Variants in ANXA4 observed in about 807,000 individuals in gnomAD.
ANXA4 encodes annexin A4.
Under a neutral mutation model 49.8 loss-of-function variants are expected in ANXA4, and 39 were observed. The ratio of observed to expected loss-of-function variants is 0.78; its 90% CI spans 0.61 to 1.02. ANXA4 has a LOEUF of 1.02. ANXA4 is among the 50% of genes least tolerant of loss of function. The pLI, the probability that ANXA4 is intolerant of heterozygous loss-of-function variation, is 0.00. For synonymous variants in ANXA4, 134 were observed against 152.5 expected (o/e 0.88, Z 0.89); for missense variants, 360 against 410.1 (o/e 0.88, Z 1.05).
intron 1 of ANXA4, among the ~76,000 whole-genome samples, chr2:69,763,555 G>A (rs1671379620): frequency 6.6e-6 from 1 of 151,918 alleles, no homozygotes; most frequent in South Asian, 2.1e-4. Flanking sequence ...CTGACTCACT[G>A]CAAATCCCTT....
Position 69,803,163 on chromosome 2 carries a change from C to T in ANXA4, c.98-1370C>T, listed in dbSNP as rs113196847. On this transcript the variant is annotated intron_variant, in intron 3 of 12. Coordinates refer to ENST00000394295, the MANE Select transcript of ANXA4 (RefSeq NM_001153.5). ...GAGTGAGCTGGACTGCACTCCAGCC[C>T]GGGTGACAGAGCGAAACTCCATCTC... 5.7e-4 allele frequency among the ~76,000 whole-genome samples: 85 copies of T among 150,304 alleles called. 2 individuals are homozygous for T. The highest frequency in any genetic ancestry group is 1.9e-3 in the African/African-American group (78 of 40,810).
chr2:69,668,213 T>C (rs747483277), intron 2 of ANXA4, among the ~76,000 whole-genome samples: 4 of 152,248 alleles, frequency 2.6e-5, no homozygotes, highest in Non-Finnish European at 5.9e-5. Context: ...CTAAAGATTA[T>C]GAATTCAGTC....
At chr2:69,745,186 T>C (rs1670560789) in intron 1 of ANXA4, among the ~76,000 whole-genome samples, 1 of 152,036 alleles carries the variant, frequency 6.6e-6, no homozygotes, top group Non-Finnish European at 1.5e-5. Context: ...GTTTGACATG[T>C]GGATAAGGGA....
chr2:69,764,007 T>C (rs557332056), intron 1 of ANXA4, among the ~76,000 whole-genome samples: 3 of 152,302 alleles, frequency 2.0e-5, no homozygotes, highest in East Asian at 1.9e-4. Context: ...CTAAGACTTA[T>C]GATTGCTAAG....
chr2:69,736,385 T>C lies in ANXA4; in HGVS notation n.864+15514T>C, dbSNP rs910215346. ...TCTTGACACCTACTCTATGAGAGTATCTAACTCATCGAACCGTGTGAGGAT... is the reference window on the plus strand; with the variant it reads ...TCTTGACACCTACTCTATGAGAGTACCTAACTCATCGAACCGTGTGAGGAT... On this transcript the variant is annotated intron_variant and non_coding_transcript_variant, in intron 3 of 3. Transcript: ENST00000418066. 3.9e-5 allele frequency among the ~76,000 whole-genome samples: 6 copies of C among 152,356 alleles called. No individual in the cohort carries two copies. In the South Asian group the frequency reaches 8.3e-4, roughly 21 times the overall value.
intron 8 of ANXA4, 138 bp from the exon 9 acceptor site, chr2:69,815,963 C>A: frequency 1.5e-6 from 1 of 661,498 alleles, no homozygotes. Context: ...GTCATTTCCA[C>A]TCACCACTAC....
intron 3 of ANXA4, among the ~76,000 whole-genome samples, chr2:69,793,602 G>C (rs1390506199): frequency 2.0e-5 from 3 of 152,174 alleles, no homozygotes; most frequent in Non-Finnish European, 2.9e-5. Flanking sequence ...ATTGGCCTCT[G>C]AGTGAGGTTC....
rs1674438702 is a variant in ANXA4 at position 69,825,559 on chromosome 2, T to G, written c.*44T>G. 5 of 1,467,734 alleles carry G rather than the reference T, an allele frequency of 3.4e-6. No individual in the cohort carries two copies. The highest frequency in any genetic ancestry group is 2.0e-5 in the Admixed American group (1 of 49,320). 90.9% of individuals were successfully genotyped at this position (1,467,734 alleles called of 1,614,324 possible). On this transcript the variant is annotated 3_prime_UTR_variant, in exon 13 of 13. Coordinates refer to ENST00000394295, the MANE Select transcript of ANXA4 (RefSeq NM_001153.5). ...ACAGGAGGATTCTCAACACTTTGAA[T>G]TTTTTTAACTTCATTTTTCTACACT...
chr2:69,685,619 A>C (rs1462855120), intron 2 of ANXA4, among the ~76,000 whole-genome samples: 1 of 152,224 alleles, frequency 6.6e-6, no homozygotes, highest in Non-Finnish European at 1.5e-5. Context: ...TGGCAGAACG[A>C]AAATTCCTAG....
At chr2:69,794,414 G>A (rs535967401) in intron 3 of ANXA4, among the ~76,000 whole-genome samples, 2 of 152,278 alleles carry the variant, frequency 1.3e-5, no homozygotes, top group East Asian at 1.9e-4. Context: ...TCAAGCCTTA[G>A]TTAAAACTTC....
chr2:69,750,475 C>T (rs1455295236), intron 1 of ANXA4, among the ~76,000 whole-genome samples: 2 of 152,194 alleles, frequency 1.3e-5, no homozygotes, highest in Non-Finnish European at 2.9e-5. Flanking sequence ...TGCAGTGGCA[C>T]AACAATGGCA....
chr2:69,791,374 T>C (rs985516551), intron 3 of ANXA4, among the ~76,000 whole-genome samples: 3 of 152,248 alleles, frequency 2.0e-5, no homozygotes, highest in Non-Finnish European at 4.4e-5. Context: ...AATTGTGTTT[T>C]GTTGCAAGAG....
intron 2 of ANXA4, among the ~76,000 whole-genome samples, chr2:69,687,871 T>C (rs1677843735): frequency 6.6e-6 from 1 of 152,236 alleles, no homozygotes; most frequent in Non-Finnish European, 1.5e-5. Context: ...CAGATTCTTG[T>C]GGAACAAATG....
chr2:69,644,165 T>TTCGCGCCCCCCCCCCC (rs1553424953), upstream of ANXA4, among the ~76,000 whole-genome samples: 5 of 21,116 alleles, frequency 2.4e-4, 2 homozygotes, highest in African/African-American at 8.5e-4. Context: ...ACAACTAAGT[T>TTCGCGCCCCCCCCCCC]CCCCCCCCCC....
chr2:69,793,646 G>A (rs923307558), intron 3 of ANXA4, among the ~76,000 whole-genome samples: 4 of 152,164 alleles, frequency 2.6e-5, no homozygotes, highest in Admixed American at 2.6e-4. Context: ...AGCTTCCAGG[G>A]CCTAATAAGC....
At chr2:69,798,738 G>A (rs548665407) in intron 3 of ANXA4, among the ~76,000 whole-genome samples, 1 of 152,186 alleles carries the variant, frequency 6.6e-6, no homozygotes, top group South Asian at 2.1e-4. Flanking sequence ...GAATAAAAAC[G>A]GAGGACAAGA....
chr2:69,643,831 C>G, upstream of ANXA4: 1 of 1,182,124 alleles, frequency 8.5e-7, no homozygotes, highest in Non-Finnish European at 1.0e-6. Context: ...CTCGGGGCGG[C>G]GCGGCGAGGG....
At position 69,759,060 on chromosome 2, in the gene ANXA4, C is replaced by T. The variant is rs139589034; in HGVS notation, c.-47+16885C>T. On this transcript the variant is annotated intron_variant, in intron 1 of 12. Coordinates refer to ENST00000394295, the MANE Select transcript of ANXA4 (RefSeq NM_001153.5). ...CTGGGGCAAGAGAATCCCTTGAACA[C>T]GGGAGGCGGAGGTTTCAGTGAGCCA... Among the ~76,000 whole-genome samples the T allele has an allele frequency of 1.5e-3, 219 of 148,632 alleles. 1 individual carries two copies. Among genetic ancestry groups the T allele is most frequent in the African/African-American group, 5.3e-3 (213 of 40,198 alleles).
chr2:69,785,499 A>G (rs1478582065), intron 2 of ANXA4, among the ~76,000 whole-genome samples: 1 of 152,110 alleles, frequency 6.6e-6, no homozygotes, highest in East Asian at 1.9e-4. Flanking sequence ...CAAGAAATAG[A>G]TAAAAGAATC....
Sources: gnomAD v4.1 joint callset for allele counts (sites outside exome capture counted in the v4.1 genomes callset) on GRCh38, gnomAD v4.1.1 for gene constraint, MANE v1.5 for transcripts, NCBI Gene and HGNC (gene_info 2026-07-23, HGNC 2026-07-21) for gene names.